MCC: variants seen among roughly 807,000 people sequenced by gnomAD.
MCC encodes the protein colorectal mutant cancer protein.
Under a neutral mutation model 116.2 loss-of-function variants are expected in MCC, and 90 were observed. That is an observed-to-expected ratio of 0.77 (90% CI 0.65 to 0.92). MCC has a LOEUF of 0.92. Ranked by LOEUF, MCC falls within the 40% of genes least tolerant of loss-of-function variation. The probability of loss-of-function intolerance (pLI) is 0.00; values close to 1 mark genes in which losing one functional copy is unlikely to be tolerated. For missense variants in MCC, 1,516 were observed against 1,312.2 expected, an observed-to-expected ratio of 1.16 and a Z score of -2.40; for synonymous variants, 578 against 510.5, an observed-to-expected ratio of 1.13 and a Z score of -1.78.
chr5:113,363,254 C>T lies in MCC; in HGVS notation c.415+21714G>A, dbSNP rs1276702336. On this transcript the variant is annotated intron_variant, in intron 2 of 18. Transcript: ENST00000408903. ...ATCACGCCACAGCATTCTAGCCTGG[C>T]GACAGAGCGAGACTCCGTCTCAAAA... Among the ~76,000 whole-genome samples the T allele has an allele frequency of 1.3e-5, 2 of 152,058 alleles. 1 individual carries two copies. Among genetic ancestry groups the T allele is most frequent in the South Asian group, 4.1e-4 (2 of 4,824 alleles).
At chr5:113,250,776 C>G (rs1764770104) in intron 3 of MCC, among the ~76,000 whole-genome samples, 1 of 152,120 alleles carries the variant, frequency 6.6e-6, no homozygotes, top group Non-Finnish European at 1.5e-5. Flanking sequence ...GGGCTGAGTT[C>G]CAAGCATGTG....
chr5:113,163,138 A>G (rs754535051), intron 3 of MCC, among the ~76,000 whole-genome samples: 6 of 152,118 alleles, frequency 3.9e-5, no homozygotes, highest in Non-Finnish European at 7.4e-5. Context: ...GGGTCCTCAT[A>G]TCATTCAGGT....
chr5:113,440,286 T>G (rs1472403106), intron 1 of MCC, among the ~76,000 whole-genome samples: 1 of 151,848 alleles, frequency 6.6e-6, no homozygotes, highest in African/African-American at 2.4e-5. Flanking sequence ...TAGAAAAAAG[T>G]AGACGTTCCT....
intron 6 of MCC, among the ~76,000 whole-genome samples, chr5:113,109,522 G>A (rs879381684): frequency 3.9e-5 from 6 of 152,054 alleles, no homozygotes; most frequent in Admixed American, 2.6e-4. Context: ...ATTGCTTAAC[G>A]GGTACAGAGT....
chr5:113,381,378 G>C (rs1026643545), intron 2 of MCC, among the ~76,000 whole-genome samples: 1 of 152,210 alleles, frequency 6.6e-6, no homozygotes, highest in Non-Finnish European at 1.5e-5. Context: ...AAGGTTGGAA[G>C]TCTGTAAGAT....
chr5:113,248,170 C>T (rs929198421), intron 3 of MCC, among the ~76,000 whole-genome samples: 1 of 149,044 alleles, frequency 6.7e-6, no homozygotes, highest in Non-Finnish European at 1.5e-5. Context: ...TTCCAGGTTA[C>T]AGTGAGCTAT....
At chr5:113,275,460 T>C (rs1172853387) in intron 3 of MCC, among the ~76,000 whole-genome samples, 2 of 152,200 alleles carry the variant, frequency 1.3e-5, no homozygotes, top group Non-Finnish European at 2.9e-5. Context: ...TGTAGCAATT[T>C]TGGGCCAGAA....
At chr5:113,033,982 G>C (rs1303790832) in intron 17 of MCC, among the ~76,000 whole-genome samples, 2 of 152,096 alleles carry the variant, frequency 1.3e-5, no homozygotes, top group East Asian at 1.9e-4. Context: ...GACCTCCCAG[G>C]CTCAAGCAAT....
intron 1 of MCC, among the ~76,000 whole-genome samples, chr5:113,459,492 C>G (rs371646106): frequency 1.7e-4 from 26 of 151,450 alleles, no homozygotes; most frequent in African/African-American, 5.6e-4. Flanking sequence ...GAGCCGAGAT[C>G]CCACCACTGC....
chr5:113,415,037 G>T (rs1047234359), intron 1 of MCC, among the ~76,000 whole-genome samples: 1 of 152,100 alleles, frequency 6.6e-6, no homozygotes, highest in Non-Finnish European at 1.5e-5. Flanking sequence ...GCTTAGTTTG[G>T]CTGGATATAA....
intron 3 of MCC, among the ~76,000 whole-genome samples, chr5:113,187,183 T>C (rs1761934646): frequency 1.3e-5 from 2 of 152,174 alleles, no homozygotes; most frequent in Admixed American, 6.5e-5. Context: ...TTTTCAACTT[T>C]CACCTCCCAG....
chr5:113,152,869 T>C (rs1759962594), intron 3 of MCC, among the ~76,000 whole-genome samples: 1 of 152,184 alleles, frequency 6.6e-6, no homozygotes, highest in Non-Finnish European at 1.5e-5. Flanking sequence ...TCAGGCAATC[T>C]GGCAGTATTT....
chr5:113,204,036 T>C (rs565896057), intron 3 of MCC, among the ~76,000 whole-genome samples: 13 of 152,286 alleles, frequency 8.5e-5, no homozygotes, highest in Admixed American at 7.8e-4. Flanking sequence ...GCAATTTTTA[T>C]CCCACTCATC....
At chr5:113,197,137 G>A (rs573143022) in intron 3 of MCC, among the ~76,000 whole-genome samples, 10 of 152,190 alleles carry the variant, frequency 6.6e-5, no homozygotes, top group Admixed American at 2.0e-4. Context: ...GGGCTGGGGG[G>A]TCCGCTCCAC....
At chr5:113,431,900 G>A (rs1047210438) in intron 1 of MCC, among the ~76,000 whole-genome samples, 8 of 152,086 alleles carry the variant, frequency 5.3e-5, no homozygotes, top group African/African-American at 1.9e-4. Context: ...CACTTTGGGA[G>A]GCCGAGGTAG....
chr5:113,065,531 G>A (rs4463174), intron 13 of MCC, among the ~76,000 whole-genome samples: 81,179 of 151,934 alleles, frequency 0.53, 23,473 homozygotes, highest in East Asian at 0.66. Context: ...AGGTAAATGC[G>A]GAATTGGATG....
intron 3 of MCC, among the ~76,000 whole-genome samples, chr5:113,189,665 G>A (rs1370088555): frequency 6.6e-6 from 1 of 152,172 alleles, no homozygotes; most frequent in African/African-American, 2.4e-5. Context: ...AATAAAAACA[G>A]AAGTAAATCA....
intron 3 of MCC, among the ~76,000 whole-genome samples, chr5:113,318,912 G>C (rs1332950862): frequency 6.6e-6 from 1 of 152,074 alleles, no homozygotes; most frequent in Non-Finnish European, 1.5e-5. Context: ...TGTTGCCCAG[G>C]CTGGAGTGCA....
At chr5:113,471,102 T>G (rs1363125018) in intron 1 of MCC, among the ~76,000 whole-genome samples, 3 of 149,862 alleles carry the variant, frequency 2.0e-5, no homozygotes, top group Non-Finnish European at 4.4e-5. Flanking sequence ...TCAAAGCTTT[T>G]AACTTCTTTG....
Sources: gnomAD v4.1 joint callset for allele counts (sites outside exome capture counted in the v4.1 genomes callset) on GRCh38, gnomAD v4.1.1 for gene constraint, MANE v1.5 for transcripts, NCBI Gene and HGNC (gene_info 2026-07-23, HGNC 2026-07-21) for gene names.